PLEKHM3: variants seen among roughly 807,000 people sequenced by gnomAD.
PLEKHM3 encodes the protein pleckstrin homology domain containing M3.
In PLEKHM3, 45 loss-of-function variants were observed where a neutral mutation model predicts 81.8. The observed-to-expected ratio is 0.55, with a 90% CI of 0.43 to 0.71. The LOEUF (loss-of-function observed/expected upper bound fraction) is 0.71, where lower values mean the gene tolerates loss of function less well. PLEKHM3 is among the 30% of genes least tolerant of loss of function. The pLI is 0.00. For synonymous variants in PLEKHM3, 352 were observed against 356.4 expected (o/e 0.99, Z 0.14); for missense variants, 788 against 924.3 (o/e 0.85, Z 1.91).
intron 6 of PLEKHM3, among the ~76,000 whole-genome samples, chr2:207,876,409 C>A (rs946489024): frequency 2.2e-4 from 33 of 151,944 alleles, no homozygotes; most frequent in African/African-American, 7.7e-4. Context: ...TTTTAGATGA[C>A]CTGTGTTTTC....
chr2:207,908,416 T>C, intron 6 of PLEKHM3, 98 bp downstream of exon 6: 2 of 1,128,670 alleles, frequency 1.8e-6, no homozygotes, highest in Non-Finnish European at 1.3e-6. Context: ...TGATGAAAAC[T>C]ACCCCAATGA....
chr2:207,885,395 G>A (rs1687856344), intron 6 of PLEKHM3, among the ~76,000 whole-genome samples: 1 of 152,128 alleles, frequency 6.6e-6, no homozygotes, highest in Non-Finnish European at 1.5e-5. Context: ...TGCTTGACAT[G>A]GGGCATTTTG....
chr2:207,893,805 T>C (rs927941219), intron 6 of PLEKHM3, among the ~76,000 whole-genome samples: 1 of 152,074 alleles, frequency 6.6e-6, no homozygotes, highest in South Asian at 2.1e-4. Flanking sequence ...CCTGAAAATT[T>C]TGAAAAACAA....
rs1279622341 is a variant in PLEKHM3 at position 207,977,137 on chromosome 2, C to A, written c.1060G>T (p.Asp354Tyr). 3 of 1,614,052 alleles carry A rather than the reference C, an allele frequency of 1.9e-6. No homozygotes were observed. The highest frequency in any genetic ancestry group is 1.7e-5 in the Admixed American group (1 of 59,992). Residue 354 changes from aspartate to tyrosine, a missense_variant, in exon 3 of 8, where the codon GAC (aspartate) becomes TAC (tyrosine). Asp to Tyr is a radical substitution (Grantham distance 160). Coordinates refer to ENST00000427836, the MANE Select transcript of PLEKHM3 (RefSeq NM_001080475.3). ...ATGTTTTGGTACTGTTTGGAGCTGT[C>A]CAGGACAGGGGACGGTGGCAGCAGC... ...SGLLPPSPVL[D>Y]SSKQYQNILK...
chr2:208,010,091 T>C lies in PLEKHM3; in HGVS notation c.-318-8134A>G, dbSNP rs778531581. Among the ~76,000 whole-genome samples the C allele has an allele frequency of 5.3e-5, 8 of 152,246 alleles. No individual in the cohort carries two copies. In the South Asian group the frequency reaches 1.4e-3, roughly 28 times the overall value. On this transcript the variant is annotated intron_variant, in intron 1 of 7. Coordinates refer to ENST00000427836, the MANE Select transcript of PLEKHM3 (RefSeq NM_001080475.3). ...ACTATCAGCAACTTGGCTGGGTTCA[T>C]TTTCCAATGACTTAGAGCTCAAGCT...
intron 7 of PLEKHM3, among the ~76,000 whole-genome samples, chr2:207,832,664 T>C (rs1050977051): frequency 2.6e-5 from 4 of 151,948 alleles, no homozygotes; most frequent in African/African-American, 7.3e-5. Flanking sequence ...TGGTGGTGTG[T>C]GCCTGTAATC....
intron 5 of PLEKHM3, among the ~76,000 whole-genome samples, chr2:207,909,300 C>G (rs1688734288): frequency 1.3e-5 from 2 of 152,150 alleles, no homozygotes; most frequent in Admixed American, 1.3e-4. Flanking sequence ...TATGGGTAAG[C>G]AAACAGGTTA....
At chr2:207,988,898 G>T (rs1003757332) in intron 2 of PLEKHM3, among the ~76,000 whole-genome samples, 2 of 152,086 alleles carry the variant, frequency 1.3e-5, no homozygotes, top group South Asian at 2.1e-4. Flanking sequence ...TAGCTCCGAG[G>T]CCTCTGAGTT....
chr2:207,880,317 G>C (rs2092580112), intron 6 of PLEKHM3, among the ~76,000 whole-genome samples: 1 of 151,434 alleles, frequency 6.6e-6, no homozygotes, highest in Non-Finnish European at 1.5e-5. Flanking sequence ...TGAGGCACAG[G>C]AATCACTTGA....
chr2:207,847,741 T>C (rs1459562471), intron 7 of PLEKHM3, among the ~76,000 whole-genome samples: 1 of 152,126 alleles, frequency 6.6e-6, no homozygotes, highest in Non-Finnish European at 1.5e-5. Flanking sequence ...AAAGGTACTC[T>C]ACAGAGGAGC....
intron 6 of PLEKHM3, among the ~76,000 whole-genome samples, chr2:207,889,888 C>CT (rs977397513): frequency 1.3e-5 from 2 of 152,164 alleles, no homozygotes; most frequent in African/African-American, 2.4e-5. Context: ...ACCGCAACCT[C>CT]TGTCTCCCGG....
intron 7 of PLEKHM3, among the ~76,000 whole-genome samples, chr2:207,829,237 CG>C (rs2092270887): frequency 6.6e-6 from 1 of 152,032 alleles, no homozygotes; most frequent in African/African-American, 2.4e-5. Flanking sequence ...GAAGCCTGCA[CG>C]GGAGTCTAAA....
At chr2:207,960,695 CATT>C (rs1690699018) in intron 3 of PLEKHM3, among the ~76,000 whole-genome samples, 1 of 152,098 alleles carries the variant, frequency 6.6e-6, no homozygotes, top group Non-Finnish European at 1.5e-5. Flanking sequence ...TGGTGGGTGA[CATT>C]ATTGAGAGAT....
chr2:207,836,998 G>A (rs913616128), intron 7 of PLEKHM3, among the ~76,000 whole-genome samples: 5 of 152,126 alleles, frequency 3.3e-5, no homozygotes, highest in African/African-American at 4.8e-5. Flanking sequence ...CTTTGCGTAT[G>A]GCTACTATGC....
At chr2:207,970,755 C>T (rs921700569) in intron 3 of PLEKHM3, among the ~76,000 whole-genome samples, 1 of 152,126 alleles carries the variant, frequency 6.6e-6, no homozygotes, top group Non-Finnish European at 1.5e-5. Context: ...TCAGAGAAGA[C>T]ACAATGCCGG....
chr2:207,946,198 C>G (rs766750411), intron 4 of PLEKHM3, among the ~76,000 whole-genome samples, 169 bp downstream of exon 4: 23 of 152,266 alleles, frequency 1.5e-4, no homozygotes, highest in Middle Eastern at 3.4e-3. Flanking sequence ...AGTTAAGAAG[C>G]CTTTCAACTG....
chr2:207,943,868 A>G (rs890454566), intron 4 of PLEKHM3, among the ~76,000 whole-genome samples: 146 of 27,774 alleles, frequency 5.3e-3, no homozygotes, highest in Middle Eastern at 0.067. Context: ...ACTCCGTCTC[A>G]AAAAAAAAAA....
At chr2:207,833,022 G>A (rs565690062) in intron 7 of PLEKHM3, among the ~76,000 whole-genome samples, 1 of 145,240 alleles carries the variant, frequency 6.9e-6, no homozygotes, top group East Asian at 2.1e-4. Flanking sequence ...TAAGGCACGA[G>A]AATCGCTGAA....
intron 5 of PLEKHM3, among the ~76,000 whole-genome samples, chr2:207,909,924 T>C (rs933074066): frequency 6.6e-6 from 1 of 152,188 alleles, no homozygotes; most frequent in Non-Finnish European, 1.5e-5. Flanking sequence ...TAAGCACACA[T>C]TGCATATCAG....
Sources: allele counts gnomAD v4.1 joint callset (sites outside exome capture counted in the v4.1 genomes callset), GRCh38; gene constraint gnomAD v4.1.1; transcripts MANE v1.5; gene names NCBI Gene and HGNC (gene_info 2026-07-23, HGNC 2026-07-21).